The following CSMD3 variants were observed in gnomAD, a reference collection of about 807,000 sequenced individuals.
CSMD3 encodes CUB and Sushi multiple domains 3, also known as CUB and sushi domain-containing protein 3.
In CSMD3, 177 loss-of-function variants were observed where a neutral mutation model predicts 435.2. The ratio of observed to expected loss-of-function variants is 0.41; its 90% CI spans 0.36 to 0.46. CSMD3 has a LOEUF of 0.46. CSMD3 is among the 20% of genes least tolerant of loss of function. CSMD3 has a pLI of 0.34. For synonymous variants in CSMD3, 1,656 were observed against 1,520.5 expected, an observed-to-expected ratio of 1.09 and a Z score of -2.07; for missense variants, 4,265 against 4,504.6, an observed-to-expected ratio of 0.95 and a Z score of 1.52.
At chr8:112,730,231 T>C (rs540406615) in intron 13 of CSMD3, among the ~76,000 whole-genome samples, 5 of 152,218 alleles carry the variant, frequency 3.3e-5, no homozygotes, top group Non-Finnish European at 7.4e-5. Context: ...AAAGGATATA[T>C]AGATTGCATT....
At chr8:113,010,058 G>T (rs1434886113) in intron 6 of CSMD3, among the ~76,000 whole-genome samples, 1 of 151,512 alleles carries the variant, frequency 6.6e-6, no homozygotes, top group African/African-American at 2.4e-5. Context: ...ATAGATACTT[G>T]TAATTAAGTG....
chr8:112,298,066 C>CAA (rs35232021), intron 53 of CSMD3, among the ~76,000 whole-genome samples: 177 of 93,254 alleles, frequency 1.9e-3, no homozygotes, highest in Non-Finnish European at 3.2e-3. Context: ...TGCCATTGCA[C>CAA]AAAAAAAAAA....
At chr8:112,831,142 T>G (rs945106847) in intron 11 of CSMD3, among the ~76,000 whole-genome samples, 7 of 152,210 alleles carry the variant, frequency 4.6e-5, no homozygotes, top group African/African-American at 1.7e-4. Flanking sequence ...ATATTTGCAT[T>G]GACTAAAACA....
chr8:112,250,782 T>C (rs1290587996), intron 63 of CSMD3, among the ~76,000 whole-genome samples: 1 of 151,706 alleles, frequency 6.6e-6, no homozygotes. Context: ...TTAAAAACAA[T>C]CCATATCAAA....
rs200328572 is a variant in CSMD3, at chr8:112,410,616, G to GTATATATATATGTGTATATATATATGTA, written c.5396-1585_5396-1584insTACATATATATATACACATATATATATA. Reference sequence around the variant, plus strand: ...TATATATATATGTGTATATATATATGTATATATATGTGTATATATATGTAT... The same window carrying GTATATATATATGTGTATATATATATGTA: ...TATATATATATGTGTATATATATATGTATATATATATGTGTATATATATATGTATATATATATGTGTATATATATGTAT... On this transcript the variant is annotated intron_variant, in intron 32 of 70. Coordinates refer to ENST00000297405, the MANE Select transcript of CSMD3 (RefSeq NM_198123.2). Among the ~76,000 whole-genome samples the GTATATATATATGTGTATATATATATGTA allele has an allele frequency of 1.9e-3, 131 of 67,560 alleles. 14 individuals are homozygous for GTATATATATATGTGTATATATATATGTA. Among genetic ancestry groups the GTATATATATATGTGTATATATATATGTA allele is most frequent in the Non-Finnish European group, 2.8e-3 (91 of 32,880 alleles). 44.3% of individuals were successfully genotyped at this position (67,560 alleles called of 152,430 possible).
At chr8:112,925,402 A>C (rs1422679921) in intron 9 of CSMD3, among the ~76,000 whole-genome samples, 1 of 151,964 alleles carries the variant, frequency 6.6e-6, no homozygotes, top group Non-Finnish European at 1.5e-5. Flanking sequence ...ACTAAAAATA[A>C]AAATAAAAAA....
chr8:112,532,517 T>C (rs1401526312), intron 27 of CSMD3, among the ~76,000 whole-genome samples: 1 of 152,132 alleles, frequency 6.6e-6, no homozygotes, highest in Non-Finnish European at 1.5e-5. Context: ...GGCAGTAGAC[T>C]TCTCAGCAAG....
At chr8:113,243,515 TGATA>T (rs1447843806) in intron 3 of CSMD3, among the ~76,000 whole-genome samples, 2 of 152,078 alleles carry the variant, frequency 1.3e-5, no homozygotes, top group South Asian at 4.1e-4. Flanking sequence ...ATCAGTTGAT[TGATA>T]TTCATCTTGT....
At chr8:112,736,046 T>C (rs1345431285) in intron 13 of CSMD3, among the ~76,000 whole-genome samples, 1 of 152,090 alleles carries the variant, frequency 6.6e-6, no homozygotes, top group African/African-American at 2.4e-5. Context: ...GTTTAAATTA[T>C]ACTTTAGGAG....
chr8:112,804,399 C>T (rs913830289), intron 12 of CSMD3, among the ~76,000 whole-genome samples: 5 of 151,998 alleles, frequency 3.3e-5, no homozygotes, highest in African/African-American at 9.7e-5. Flanking sequence ...CCTATTCTGG[C>T]CAGCCTGTAG....
At chr8:112,780,843 G>A (rs1038864541) in intron 13 of CSMD3, among the ~76,000 whole-genome samples, 1 of 151,856 alleles carries the variant, frequency 6.6e-6, no homozygotes, top group Admixed American at 6.6e-5. Context: ...TACTACCATA[G>A]GCGAAAGTGG....
At chr8:113,434,847 G>A (rs1391145519) in intron 1 of CSMD3, among the ~76,000 whole-genome samples, 1 of 152,202 alleles carries the variant, frequency 6.6e-6, no homozygotes, top group Non-Finnish European at 1.5e-5. Context: ...TAGTCAGGCT[G>A]TAATGCTCGC....
chr8:112,299,175 G>A (rs1403894912), intron 53 of CSMD3, among the ~76,000 whole-genome samples: 1 of 151,866 alleles, frequency 6.6e-6, no homozygotes, highest in Non-Finnish European at 1.5e-5. Flanking sequence ...TATCGAAATA[G>A]TTACTGCCTC....
intron 3 of CSMD3, among the ~76,000 whole-genome samples, chr8:113,241,234 G>C (rs1467568340): frequency 6.6e-6 from 1 of 152,024 alleles, no homozygotes; most frequent in Non-Finnish European, 1.5e-5. Flanking sequence ...TTCATCCTCT[G>C]CAAAACCTAG....
chr8:112,818,695 C>T (rs900851079), intron 12 of CSMD3, among the ~76,000 whole-genome samples: 4 of 152,106 alleles, frequency 2.6e-5, no homozygotes, highest in Non-Finnish European at 5.9e-5. Flanking sequence ...GAAGGCCCTC[C>T]TCTGACCTTT....
At chr8:112,306,895 A>C (rs1346564027) in intron 50 of CSMD3, among the ~76,000 whole-genome samples, 1 of 152,188 alleles carries the variant, frequency 6.6e-6, no homozygotes, top group Non-Finnish European at 1.5e-5. Context: ...ATGTGATAAT[A>C]ATGTAAAATG....
At chr8:112,536,398 G>A (rs1469431926) in intron 27 of CSMD3, among the ~76,000 whole-genome samples, 2 of 152,196 alleles carry the variant, frequency 1.3e-5, no homozygotes, top group African/African-American at 2.4e-5. Flanking sequence ...GGACACTTAT[G>A]CAGCCAAAAA....
intron 2 of CSMD3, 130 bp downstream of exon 2, chr8:113,314,437 CAAAT>C: frequency 4.5e-6 from 3 of 666,862 alleles, no homozygotes; most frequent in Non-Finnish European, 8.0e-6. Flanking sequence ...GATATATTTT[CAAAT>C]AAATAATAAT....
intron 23 of CSMD3, among the ~76,000 whole-genome samples, chr8:112,583,972 G>A (rs1424929942): frequency 6.6e-6 from 1 of 151,356 alleles, no homozygotes; most frequent in African/African-American, 2.4e-5. Flanking sequence ...TGCCTAAATA[G>A]GATTTTCTCA....
Sources: gnomAD v4.1 joint callset for allele counts (sites outside exome capture counted in the v4.1 genomes callset) on GRCh38, gnomAD v4.1.1 for gene constraint, MANE v1.5 for transcripts, NCBI Gene and HGNC (gene_info 2026-07-23, HGNC 2026-07-21) for gene names.